Variants in LAT observed in about 807,000 individuals in gnomAD.
The protein encoded by LAT is linker for activation of T-cells family member 1.
In LAT, 12 loss-of-function variants were observed where a neutral mutation model predicts 39.1. The observed-to-expected ratio is 0.31, with a 90% CI of 0.20 to 0.50. LAT has a LOEUF of 0.50. Among genes scored for constraint, LAT ranks in the 20% least tolerant of loss-of-function variants. The pLI, the probability that LAT is intolerant of heterozygous loss-of-function variation, is 0.98. For synonymous variants in LAT, 117 were observed against 123.8 expected, an observed-to-expected ratio of 0.95 and a Z score of 0.36; for missense variants, 253 against 308.0, an observed-to-expected ratio of 0.82 and a Z score of 1.34.
In LAT at chr16:28,986,763, C is replaced by A. The variant is rs1290903268; in HGVS notation, c.399-36C>A. 6.2e-7 allele frequency: 1 copy of A among 1,609,098 alleles called. No homozygotes were observed. The highest frequency in any genetic ancestry group is 8.5e-7 in the Non-Finnish European group (1 of 1,176,864). ...GAGGTGAGGGCTGAGGCTGTGCGTCCCCCCTTGCTCACCGGCCCTTTTCAC... is the reference window on the plus strand; with the variant it reads ...GAGGTGAGGGCTGAGGCTGTGCGTCACCCCTTGCTCACCGGCCCTTTTCAC... On this transcript the variant is annotated intron_variant, in intron 7 of 11. Transcript: ENST00000395456. The surrounding 1 kb of genome is among the most constrained non-coding windows in gnomAD (Gnocchi z 5.7).
At chr16:28,989,749 C>G (rs1965831481) in intron 9 of LAT, 25 bp from the exon 10 acceptor site, 2 of 1,613,770 alleles carry the variant, frequency 1.2e-6, no homozygotes, top group Non-Finnish European at 1.7e-6. Context: ...GCGTGGCTGC[C>G]CCTCCTTCTG....
At chr16:28,990,094 C>T in intron 11 of LAT, 75 bp downstream of exon 11, 1 of 1,242,888 alleles carries the variant, frequency 8.0e-7, no homozygotes, top group Non-Finnish European at 1.1e-6. Context: ...CCCCCTTGCC[C>T]AACCCTACCT....
intron 11 of LAT, 51 bp from the exon 12 acceptor site, chr16:28,990,138 A>G: frequency 1.2e-6 from 1 of 831,732 alleles, no homozygotes; most frequent in Non-Finnish European, 2.0e-6. Flanking sequence ...GTACCTGCTG[A>G]ACCCCGTCAG....
At position 28,990,170 on chromosome 16, in the gene LAT, C is replaced by T. The variant is rs1224660446; in HGVS notation, c.*8-19C>T. ...TCAGCCTCCTGATCCGTATCCCTCC[C>T]TGCCCTGGTGTGTTTCAGTGGAGGC... is the stretch of plus-strand genomic sequence containing the variant. On this transcript the variant is annotated intron_variant, in intron 11 of 11. Coordinates refer to ENST00000395456, the MANE Select transcript of LAT (RefSeq NM_001014987.2). 1.4e-6 allele frequency: 1 copy of T among 733,966 alleles called. No individual in the cohort carries two copies. The highest frequency in any genetic ancestry group is 1.7e-5 in the African/African-American group (1 of 57,846). The allele number at this position is 733,966 out of a possible 1,614,324, so 45.5% of individuals were successfully genotyped here.
Position 28,986,077 on chromosome 16 carries a change from T to A in LAT, c.164-58T>A. ...TGGGGCTTTCAGGGGCTTAGTCTGT[T>A]CTTTGAGGCCTTGACGATGTCCGGA... On this transcript the variant is annotated intron_variant, in intron 3 of 11. Transcript: ENST00000395456. The surrounding 1 kb of genome is among the most constrained non-coding windows in gnomAD (Gnocchi z 5.7). 2.1e-6 allele frequency: 3 copies of A among 1,463,196 alleles called. No individual in the cohort carries two copies. Among genetic ancestry groups the A allele is most frequent in the Non-Finnish European group, 2.8e-6 (3 of 1,059,216 alleles). 90.6% of individuals were successfully genotyped at this position (1,463,196 alleles called of 1,614,324 possible). A position where few individuals can be genotyped will look rare whatever the true frequency, so the allele number is the denominator to read the frequency against.
In LAT at chr16:28,990,214, AG is replaced by A. The variant is rs768339475; in HGVS notation, c.*35del. On this transcript the variant is annotated 3_prime_UTR_variant, in exon 12 of 12. Transcript: ENST00000395456. ...TGGAGGCCGAGTCTGTCCTGGAACC[AG>A]GCTTGCCTGGGACGGCTGAGCTGGG... 5 of 706,086 alleles carry A rather than the reference AG, an allele frequency of 7.1e-6. No individual in the cohort carries two copies. In the South Asian group the frequency reaches 7.5e-5, roughly 11 times the overall value. 43.7% of individuals were successfully genotyped at this position (706,086 alleles called of 1,614,324 possible).
Position 28,989,642 on chromosome 16 carries a change from T to C in LAT, c.556+53T>C, listed in dbSNP as rs186127841. The C allele has an allele frequency of 8.3e-4, 1,316 of 1,587,690 alleles. 9 individuals carry two copies. The African/African-American group carries it at 9.1e-3, about 11-fold the overall frequency. ...GCCCCTGCACCCCGCTGCCCCACCA[T>C]GCTCTCAGTGTGACCAGATCCCACC... On this transcript the variant is annotated intron_variant, in intron 9 of 11. Coordinates refer to ENST00000395456, the MANE Select transcript of LAT (RefSeq NM_001014987.2).
In LAT at chr16:28,986,047, G is replaced by A; in HGVS notation, c.164-88G>A. 1 of 1,389,026 alleles carries A rather than the reference G, an allele frequency of 7.2e-7. No individual in the cohort carries two copies. 86.0% of individuals were successfully genotyped at this position (1,389,026 alleles called of 1,614,324 possible). A position where few individuals can be genotyped will look rare whatever the true frequency, so the allele number is the denominator to read the frequency against. On this transcript the variant is annotated intron_variant, in intron 3 of 11. Transcript: ENST00000395456. The surrounding 1 kb of genome is among the most constrained non-coding windows in gnomAD (Gnocchi z 5.7). Reference sequence around the variant, plus strand: ...GAGATGGCTCCCCCAGGCCTGTCCAGGGTGTGGGGCTTTCAGGGGCTTAGT... The same window carrying A: ...GAGATGGCTCCCCCAGGCCTGTCCAAGGTGTGGGGCTTTCAGGGGCTTAGT...
rs776545121 is a variant in LAT, at chr16:28,986,099, C to G, written c.164-36C>G. On this transcript the variant is annotated intron_variant, in intron 3 of 11. Transcript: ENST00000395456. The surrounding 1 kb of genome is among the most constrained non-coding windows in gnomAD (Gnocchi z 5.7). ...TGTTCTTTGAGGCCTTGACGATGTC[C>G]GGAGTCCTTCTTTCAACTTGGTTCT... The G allele has an allele frequency of 6.5e-7, 1 of 1,535,772 alleles. No individual in the cohort carries two copies. The highest frequency in any genetic ancestry group is 8.9e-7 in the Non-Finnish European group (1 of 1,125,868).
rs1358054047 is a variant in LAT, at chr16:28,985,878, C to G, written c.153C>G (p.Phe51Leu). 4 of 1,613,988 alleles carry G rather than the reference C, an allele frequency of 2.5e-6. No individual in the cohort carries two copies. In the African/African-American group the frequency reaches 5.3e-5, roughly 22 times the overall value. ...GTTTGTATCCAAGGGGCATCCAGTT[C>G]AAACGGCCTCGTGAGTACAAGGAGG... ...SDSLYPRGIQFKRPHTVAPWP... is the reference protein window; with the variant it reads ...SDSLYPRGIQLKRPHTVAPWP... The change falls in exon 3 of 12, where the codon TTC (phenylalanine) becomes TTG (leucine). Residue 51 changes from phenylalanine (F) to leucine (L), a missense_variant. Phe to Leu is a conservative substitution (Grantham distance 22). Coordinates refer to ENST00000395456, the MANE Select transcript of LAT (RefSeq NM_001014987.2). This position sits in a 1 kb window ranked among gnomAD's most constrained non-coding sequence, Gnocchi z 4.6.
chr16:28,989,627 C>T (rs1965829323), intron 9 of LAT, 38 bp downstream of exon 9: 1 of 1,592,646 alleles, frequency 6.3e-7, no homozygotes. Context: ...GCCCCTGCAC[C>T]CCGCTGCCCC....
Position 28,986,184 on chromosome 16 carries a change from AC to A in LAT, c.217del (p.Leu73Ter). On this transcript the variant is annotated frameshift_variant, in exon 4 of 12. Coordinates refer to ENST00000395456, the MANE Select transcript of LAT (RefSeq NM_001014987.2). LOFTEE classifies it high-confidence loss of function. This position sits in a 1 kb window ranked among gnomAD's most constrained non-coding sequence, Gnocchi z 5.7. ...PAYPPVTSYP[P>X]LSQPDLLPIP... The stretch of plus-strand genomic sequence containing the variant: ...CCTACCCACCTGTCACCTCCTACCC[AC>A]CCCTGAGCCAGCCAGACCTGCTCCC... 1 of 1,595,466 alleles carries A rather than the reference AC, an allele frequency of 6.3e-7. No individual in the cohort carries two copies. The highest frequency in any genetic ancestry group is 8.5e-7 in the Non-Finnish European group (1 of 1,171,172).
rs1445480964 is a variant in LAT at position 28,986,669 on chromosome 16, AGGATGC to A, written c.359_364del (p.Ala120_Asp121del). On this transcript the variant is annotated inframe_deletion, in exon 7 of 12. Coordinates refer to ENST00000395456, the MANE Select transcript of LAT (RefSeq NM_001014987.2). The surrounding 1 kb of genome is among the most constrained non-coding windows in gnomAD (Gnocchi z 5.7). Reference sequence around the variant, plus strand: ...TCGTTACCCCCAGAACCAGCCTGTGAGGATGCGGATGAGGATGAGGACGACTATCAC... The same window carrying A: ...TCGTTACCCCCAGAACCAGCCTGTGAGGATGAGGATGAGGACGACTATCAC... 1.8e-5 allele frequency: 29 copies of A among 1,613,946 alleles called. No individual in the cohort carries two copies. The highest frequency in any genetic ancestry group is 2.3e-5 in the Non-Finnish European group (27 of 1,179,952).
Position 28,986,030 on chromosome 16 carries a change from TCC to T in LAT, c.164-101_164-100del. On this transcript the variant is annotated intron_variant, in intron 3 of 11. Transcript: ENST00000395456. This position sits in a 1 kb window ranked among gnomAD's most constrained non-coding sequence, Gnocchi z 5.7. ...CCTGAGCTGGGAGAGGGGAGATGGC[TCC>T]CCCAGGCCTGTCCAGGGTGTGGGGC... 1 of 1,382,248 alleles carries T rather than the reference TCC, an allele frequency of 7.2e-7. No homozygotes were observed. Among genetic ancestry groups the T allele is most frequent in the East Asian group, 2.3e-5 (1 of 43,480 alleles). The allele number at this position is 1,382,248 out of a possible 1,614,324, so 85.6% of individuals were successfully genotyped here. A position where few individuals can be genotyped will look rare whatever the true frequency, so the allele number is the denominator to read the frequency against.
At position 28,986,039 on chromosome 16, in the gene LAT, C is replaced by A; in HGVS notation, c.164-96C>A. 1 of 1,383,638 alleles carries A rather than the reference C, an allele frequency of 7.2e-7. No individual in the cohort carries two copies. The highest frequency in any genetic ancestry group is 1.0e-6 in the Non-Finnish European group (1 of 976,492). 85.7% of individuals were successfully genotyped at this position (1,383,638 alleles called of 1,614,324 possible). A position where few individuals can be genotyped will look rare whatever the true frequency, so the allele number is the denominator to read the frequency against. On this transcript the variant is annotated intron_variant, in intron 3 of 11. Coordinates refer to ENST00000395456, the MANE Select transcript of LAT (RefSeq NM_001014987.2). The surrounding 1 kb of genome is among the most constrained non-coding windows in gnomAD (Gnocchi z 5.7). The stretch of plus-strand genomic sequence containing the variant: ...GGAGAGGGGAGATGGCTCCCCCAGG[C>A]CTGTCCAGGGTGTGGGGCTTTCAGG...
chr16:28,989,690 C>A, intron 9 of LAT, 84 bp from the exon 10 acceptor site: 1 of 1,586,774 alleles, frequency 6.3e-7, no homozygotes, highest in Non-Finnish European at 8.6e-7. Context: ...ACACCCTCTG[C>A]CCCCTCTGTC....
Position 28,985,867 on chromosome 16 carries a change from G to A in LAT, c.142G>A (p.Gly48Ser). The change falls in exon 3 of 12, where the codon GGC becomes AGC. Residue 48 changes from glycine (G) to serine (S), a missense_variant. Transcript: ENST00000395456. This position sits in a 1 kb window ranked among gnomAD's most constrained non-coding sequence, Gnocchi z 4.6. Reference protein sequence around the residue: ...STSSDSLYPRGIQFKRPHTVA... With the variant: ...STSSDSLYPRSIQFKRPHTVA... ...CTCCTTTACCAGTTTGTATCCAAGG[G>A]GCATCCAGTTCAAACGGCCTCGTGA... 6.2e-7 allele frequency: 1 copy of A among 1,614,094 alleles called. No individual in the cohort carries two copies. Among genetic ancestry groups the A allele is most frequent in the East Asian group, 2.2e-5 (1 of 44,864 alleles).
rs748026823 is a variant in LAT at position 28,986,767 on chromosome 16, C to G, written c.399-32C>G. 2.5e-5 allele frequency: 41 copies of G among 1,611,040 alleles called. No homozygotes were observed. The highest frequency in any genetic ancestry group is 9.9e-5 in the South Asian group (9 of 90,736). On this transcript the variant is annotated intron_variant, in intron 7 of 11. Transcript: ENST00000395456. The surrounding 1 kb of genome is among the most constrained non-coding windows in gnomAD (Gnocchi z 5.7). ...TGAGGGCTGAGGCTGTGCGTCCCCC[C>G]TTGCTCACCGGCCCTTTTCACTTCC...
At chr16:28,990,109 C>A in intron 11 of LAT, 80 bp from the exon 12 acceptor site, 1 of 1,074,652 alleles carries the variant, frequency 9.3e-7, no homozygotes, top group Non-Finnish European at 1.4e-6. Flanking sequence ...CTACCTCTGG[C>A]TTGTCCCTCT....
Sources: allele counts gnomAD v4.1 joint callset, GRCh38; gene constraint gnomAD v4.1.1; non-coding constraint Gnocchi (gnomAD v3.1); transcripts MANE v1.5; gene names NCBI Gene and HGNC (gene_info 2026-07-23, HGNC 2026-07-21).